ZKSCAN8: variants seen among roughly 807,000 people sequenced by gnomAD.
ZKSCAN8 encodes zinc finger protein with KRAB and SCAN domains 8.
A neutral mutation model predicts 57.2 loss-of-function variants in ZKSCAN8; 27 were observed. The ratio of observed to expected loss-of-function variants is 0.47; its 90% CI spans 0.35 to 0.65. The LOEUF (loss-of-function observed/expected upper bound fraction) is 0.65, where lower values mean the gene tolerates loss of function less well. Among genes scored for constraint, ZKSCAN8 ranks in the 30% least tolerant of loss-of-function variants. ZKSCAN8 has a pLI of 0.01. For synonymous variants in ZKSCAN8, 214 were observed against 248.7 expected (o/e 0.86, Z 1.31); for missense variants, 597 against 696.3 (o/e 0.86, Z 1.60).
chr6:28,153,078 C>G lies in ZKSCAN8; in HGVS notation c.798C>G (p.Asn266Lys), dbSNP rs1765646885. Reference sequence around the variant, plus strand: ...CAGGTGGTGAGACCAGGAGTGAGAACAGGGAATTAGCTTCAAAACAGGTAA... The same window carrying G: ...CAGGTGGTGAGACCAGGAGTGAGAAGAGGGAATTAGCTTCAAAACAGGTAA... ...FSLGGETRSE[N>K]RELASKQVIS... is the part of the protein sequence containing the mutation. The change falls in exon 6 of 6, where the codon AAC (asparagine) becomes AAG (lysine). Residue 266 changes from asparagine (N) to lysine (K), a missense_variant. Coordinates refer to ENST00000330236, the MANE Select transcript of ZKSCAN8 (RefSeq NM_006298.4). The G allele has an allele frequency of 6.2e-7, 1 of 1,613,948 alleles. No individual in the cohort carries two copies. Among genetic ancestry groups the G allele is most frequent in the Non-Finnish European group, 8.5e-7 (1 of 1,180,022 alleles).
chr6:28,151,703 C>A, intron 3 of ZKSCAN8, 142 bp from the exon 4 acceptor site: 1 of 642,936 alleles, frequency 1.6e-6, no homozygotes. Context: ...GCCCCAGAAT[C>A]CAAGATATCA....
At chr6:28,152,001 C>G in intron 4 of ZKSCAN8, 65 bp downstream of exon 4, 61 of 1,565,248 alleles carry the variant, frequency 3.9e-5, no homozygotes, top group Non-Finnish European at 5.4e-5. Context: ...GGCATCTGCC[C>G]TATATCTTGA....
Position 28,153,685 on chromosome 6 carries a change from A to G in ZKSCAN8, c.1405A>G (p.Lys469Glu). Residue 469 changes from lysine to glutamate, a missense_variant, in exon 6 of 6, where the codon AAA becomes GAA. Coordinates refer to ENST00000330236, the MANE Select transcript of ZKSCAN8 (RefSeq NM_006298.4). The stretch of plus-strand genomic sequence containing the variant: ...GCCCTATGAGTGTGATGAGTGTGGG[A>G]AAACCTTCAGGCGGAGCTCACATCT... ...EKPYECDECGKTFRRSSHLIG... is the reference protein window; with the variant it reads ...EKPYECDECGETFRRSSHLIG... 1 of 1,613,978 alleles carries G rather than the reference A, an allele frequency of 6.2e-7. No homozygotes were observed. The highest frequency in any genetic ancestry group is 8.5e-7 in the Non-Finnish European group (1 of 1,179,954).
rs547796187 is a variant in ZKSCAN8 at position 28,147,782 on chromosome 6, T to C, written c.-92-534T>C. 7.2e-5 allele frequency among the ~76,000 whole-genome samples: 11 copies of C among 152,240 alleles called. No homozygotes were observed. The South Asian group carries it at 1.0e-3, about 14-fold the overall frequency. On this transcript the variant is annotated intron_variant, in intron 1 of 5. Coordinates refer to ENST00000330236, the MANE Select transcript of ZKSCAN8 (RefSeq NM_006298.4). ...ACGTCCATAGTAGAGGAAGTTAACCTTGAGATAGGAGGAAAGATGAGGGGC... is the reference window on the plus strand; with the variant it reads ...ACGTCCATAGTAGAGGAAGTTAACCCTGAGATAGGAGGAAAGATGAGGGGC...
At chr6:28,151,783 G>A (rs1765598100) in intron 3 of ZKSCAN8, 62 bp from the exon 4 acceptor site, 1 of 1,349,240 alleles carries the variant, frequency 7.4e-7, no homozygotes, top group South Asian at 1.2e-5. Context: ...GAATGGGTGA[G>A]TGCCAGCTCC....
intron 1 of ZKSCAN8, among the ~76,000 whole-genome samples, chr6:28,143,405 A>T (rs1765282997): frequency 6.6e-6 from 1 of 152,198 alleles, no homozygotes; most frequent in Non-Finnish European, 1.5e-5. Flanking sequence ...GCTGGTTTTC[A>T]TCAGTGTTGT....
Position 28,148,371 on chromosome 6 carries a change from G to A in ZKSCAN8, c.-37G>A, listed in dbSNP as rs1765471051. The A allele has an allele frequency of 1.9e-6, 3 of 1,582,168 alleles. No homozygotes were observed. Among genetic ancestry groups the A allele is most frequent in the Non-Finnish European group, 2.6e-6 (3 of 1,164,078 alleles). On this transcript the variant is annotated 5_prime_UTR_variant, in exon 2 of 6. Coordinates refer to ENST00000330236, the MANE Select transcript of ZKSCAN8 (RefSeq NM_006298.4). Reference sequence around the variant, plus strand: ...GTCTTCTCTTAAGAAGATAAAGAAGGTAGTGGAAACGAACTTCCTGAGCTT... The same window carrying A: ...GTCTTCTCTTAAGAAGATAAAGAAGATAGTGGAAACGAACTTCCTGAGCTT...
Position 28,148,781 on chromosome 6 carries a change from T to C in ZKSCAN8, c.374T>C (p.Leu125Pro). 1.2e-6 allele frequency: 2 copies of C among 1,613,992 alleles called. No individual in the cohort carries two copies. Among genetic ancestry groups the C allele is most frequent in the Non-Finnish European group, 1.7e-6 (2 of 1,179,960 alleles). Reference protein sequence around the residue: ...QLENGEEVVTLLEDLERQIDI... With the variant: ...QLENGEEVVTPLEDLERQIDI... ...GAGAACGGAGAGGAGGTGGTGACCC[T>C]ATTAGAGGATTTGGAAAGGCAGATT... The change falls in exon 2 of 6, where the codon CTA becomes CCA. Residue 125 changes from leucine to proline, a missense_variant. By Grantham distance (98) the Leu-to-Pro change is moderately conservative. Coordinates refer to ENST00000330236, the MANE Select transcript of ZKSCAN8 (RefSeq NM_006298.4).
At chr6:28,150,233 C>T (rs866652287) in intron 3 of ZKSCAN8, among the ~76,000 whole-genome samples, 56 of 152,200 alleles carry the variant, frequency 3.7e-4, no homozygotes, top group Middle Eastern at 3.4e-3. Flanking sequence ...GGAATAGTTC[C>T]TCAACCTTTC....
chr6:28,156,364 G>C lies in ZKSCAN8; in HGVS notation c.*2347G>C. 2.5e-6 allele frequency: 1 copy of C among 396,064 alleles called. No homozygotes were observed. The highest frequency in any genetic ancestry group is 3.6e-5 in the East Asian group (1 of 27,988). 24.5% of individuals were successfully genotyped at this position (396,064 alleles called of 1,614,324 possible). ...AAGTCTCTTTATGTGTCAGTATTAA[G>C]AGTAATATGTAGCCAGATTACTTAA... is the stretch of plus-strand genomic sequence containing the variant. On this transcript the variant is annotated 3_prime_UTR_variant, in exon 6 of 6. Coordinates refer to ENST00000330236, the MANE Select transcript of ZKSCAN8 (RefSeq NM_006298.4).
At position 28,154,596 on chromosome 6, in the gene ZKSCAN8, AT is replaced by A. The variant is rs1260149440; in HGVS notation, c.*581del. 6.6e-6 allele frequency: 1 copy of A among 152,340 alleles called. No individual in the cohort carries two copies. Among genetic ancestry groups the A allele is most frequent in the Non-Finnish European group, 1.5e-5 (1 of 68,116 alleles). The allele number at this position is 152,340 out of a possible 1,614,324, so 9.4% of individuals were successfully genotyped here. On this transcript the variant is annotated 3_prime_UTR_variant, in exon 6 of 6. Coordinates refer to ENST00000330236, the MANE Select transcript of ZKSCAN8 (RefSeq NM_006298.4). ...TTCCTTCTAGTCAGTGGAAATTTGT[AT>A]TCCCATACAAACTCAGAATGCTATA... is the stretch of plus-strand genomic sequence containing the variant.
Position 28,158,583 on chromosome 6 carries a change from T to G in ZKSCAN8, c.*4566T>G, listed in dbSNP as rs1030581070. Reference sequence around the variant, plus strand: ...ATCTTTTTCTGCTCTCCATTCTCCATGTCCAAAAACTTGCTGTCAGTCCAG... The same window carrying G: ...ATCTTTTTCTGCTCTCCATTCTCCAGGTCCAAAAACTTGCTGTCAGTCCAG... On this transcript the variant is annotated 3_prime_UTR_variant, in exon 6 of 6. Transcript: ENST00000330236. 6.6e-6 allele frequency: 1 copy of G among 152,218 alleles called. No homozygotes were observed. Among genetic ancestry groups the G allele is most frequent in the Admixed American group, 6.5e-5 (1 of 15,282 alleles). The allele number at this position is 152,218 out of a possible 1,614,324, so 9.4% of individuals were successfully genotyped here.
At chr6:28,145,732 CTCAT>C (rs1373069458) in intron 1 of ZKSCAN8, among the ~76,000 whole-genome samples, 11 of 152,200 alleles carry the variant, frequency 7.2e-5, no homozygotes, top group African/African-American at 2.7e-4. Context: ...TCACTTAGCT[CTCAT>C]TCATCTGTGT....
chr6:28,148,653 A>G lies in ZKSCAN8; in HGVS notation c.246A>G (p.Pro82=). The G allele has an allele frequency of 1.2e-6, 2 of 1,614,126 alleles. No homozygotes were observed. The highest frequency in any genetic ancestry group is 1.7e-6 in the Non-Finnish European group (2 of 1,180,008). Residue 82 remains proline, a synonymous_variant, in exon 2 of 6, where the codon CCA becomes CCG. Coordinates refer to ENST00000330236, the MANE Select transcript of ZKSCAN8 (RefSeq NM_006298.4). ...CCCTTTGCCATCAGTGGCTGAGGCCAGATTTGAACACCAAGGAACAGATCC... is the reference window on the plus strand; with the variant it reads ...CCCTTTGCCATCAGTGGCTGAGGCCGGATTTGAACACCAAGGAACAGATCC... ...LRALCHQWLR[P]DLNTKEQILE... is the part of the protein sequence containing the mutation.
At position 28,155,653 on chromosome 6, in the gene ZKSCAN8, A is replaced by G. The variant is rs1765758564; in HGVS notation, c.*1636A>G. 1 of 152,440 alleles carries G rather than the reference A, an allele frequency of 6.6e-6. No individual in the cohort carries two copies. The highest frequency in any genetic ancestry group is 1.5e-5 in the Non-Finnish European group (1 of 68,210). 9.4% of individuals were successfully genotyped at this position (152,440 alleles called of 1,614,324 possible). On this transcript the variant is annotated 3_prime_UTR_variant, in exon 6 of 6. Coordinates refer to ENST00000330236, the MANE Select transcript of ZKSCAN8 (RefSeq NM_006298.4). ...ATATAGGTTCTGATGAAAGCTTCAT[A>G]ATTTCACCCTGTGACTATCCTGAAA... is the stretch of plus-strand genomic sequence containing the variant.
rs181192010 is a variant in ZKSCAN8, at chr6:28,144,982, G to T, written c.-93+2953G>T. On this transcript the variant is annotated intron_variant, in intron 1 of 5. Coordinates refer to ENST00000330236, the MANE Select transcript of ZKSCAN8 (RefSeq NM_006298.4). The surrounding 1 kb of genome is among the most constrained non-coding windows in gnomAD (Gnocchi z 4.5). Reference sequence around the variant, plus strand: ...CGAGGCAGGAGAATGGCGTGAACCCGGGAGGCGGAGGTTGCAGTGAGCCGA... The same window carrying T: ...CGAGGCAGGAGAATGGCGTGAACCCTGGAGGCGGAGGTTGCAGTGAGCCGA... Among the ~76,000 whole-genome samples, 240 of 152,282 alleles carry T rather than the reference G, an allele frequency of 1.6e-3. No homozygotes were observed. Among genetic ancestry groups the T allele is most frequent in the African/African-American group, 5.6e-3 (231 of 41,562 alleles).
chr6:28,143,968 C>G (rs1765303598), intron 1 of ZKSCAN8, among the ~76,000 whole-genome samples: 1 of 152,120 alleles, frequency 6.6e-6, no homozygotes, highest in Non-Finnish European at 1.5e-5. Flanking sequence ...CTCAAATTCA[C>G]TCTTCCCCCA....
rs12199860 is a variant in ZKSCAN8, at chr6:28,154,564, T to G, written c.*547T>G. The G allele has an allele frequency of 0.037, 5,713 of 152,552 alleles. 290 individuals carry two copies. Among genetic ancestry groups the G allele is most frequent in the Non-Finnish European group, 0.042 (2,892 of 68,236 alleles). 9.4% of individuals were successfully genotyped at this position (152,552 alleles called of 1,614,324 possible). ...TATGCTTAAGTGTGCATTTTTTTAT[T>G]CTAATATTCCTTCTAGTCAGTGGAA... is the stretch of plus-strand genomic sequence containing the variant. On this transcript the variant is annotated 3_prime_UTR_variant, in exon 6 of 6. Transcript: ENST00000330236.
intron 1 of ZKSCAN8, among the ~76,000 whole-genome samples, chr6:28,146,862 T>C (rs1258635618): frequency 6.6e-6 from 1 of 152,162 alleles, no homozygotes; most frequent in East Asian, 1.9e-4. Context: ...GTTAAGTAGA[T>C]AAAGGAGAAT....
Sources: allele counts gnomAD v4.1 joint callset (sites outside exome capture counted in the v4.1 genomes callset), GRCh38; gene constraint gnomAD v4.1.1; non-coding constraint Gnocchi (gnomAD v3.1); transcripts MANE v1.5; gene names NCBI Gene and HGNC (gene_info 2026-07-23, HGNC 2026-07-21).